The following NUSAP1 variants were observed in gnomAD, a reference collection of about 807,000 sequenced individuals.
NUSAP1 encodes the protein nucleolar and spindle associated protein 1, also known as nucleolar and spindle-associated protein 1.
Under a neutral mutation model 52.8 loss-of-function variants are expected in NUSAP1, and 32 were observed. The observed-to-expected ratio is 0.61, with a 90% CI of 0.46 to 0.81. NUSAP1 has a LOEUF of 0.81. NUSAP1 is among the 40% of genes least tolerant of loss of function. The probability of loss-of-function intolerance (pLI) is 0.00; values close to 1 mark genes in which losing one functional copy is unlikely to be tolerated. For synonymous variants in NUSAP1, 195 were observed against 183.1 expected (o/e 1.06, Z -0.52); for missense variants, 499 against 522.3 (o/e 0.96, Z 0.43).
At position 41,332,919 on chromosome 15, in the gene NUSAP1, T is replaced by C. The variant is rs1283079591; in HGVS notation, c.-39T>C. On this transcript the variant is annotated 5_prime_UTR_variant, in exon 1 of 11. Transcript: ENST00000559596. ...TTTGAACCGCGCTGACGAAGTTTGG[T>C]GATCCATCTTCCGAGTATCGCCGGG... is the stretch of plus-strand genomic sequence containing the variant. 2.7e-6 allele frequency: 4 copies of C among 1,503,376 alleles called. No homozygotes were observed. The highest frequency in any genetic ancestry group is 1.8e-5 in the Admixed American group (1 of 54,190). The allele number at this position is 1,503,376 out of a possible 1,614,324, so 93.1% of individuals were successfully genotyped here. A position where few individuals can be genotyped will look rare whatever the true frequency, so the allele number is the denominator to read the frequency against.
At position 41,351,052 on chromosome 15, in the gene NUSAP1, G is replaced by A; in HGVS notation, c.371G>A (p.Ser124Asn). Residue 124 changes from serine to asparagine, a missense_variant, in exon 4 of 11, where the codon AGC becomes AAC. Coordinates refer to ENST00000559596, the MANE Select transcript of NUSAP1 (RefSeq NM_016359.5). Reference sequence around the variant, plus strand: ...TTCCAGAATCATGAAAAGCAGGAAAGCCAGGATCTCAGAGCTACTGCAAAA... The same window carrying A: ...TTCCAGAATCATGAAAAGCAGGAAAACCAGGATCTCAGAGCTACTGCAAAA... ...TEFQNHEKQE[S>N]QDLRATAKVP... 1 of 1,613,516 alleles carries A rather than the reference G, an allele frequency of 6.2e-7. No individual in the cohort carries two copies. The highest frequency in any genetic ancestry group is 8.5e-7 in the Non-Finnish European group (1 of 1,179,622).
Position 41,380,232 on chromosome 15 carries a change from T to C in NUSAP1, c.*46T>C. On this transcript the variant is annotated 3_prime_UTR_variant, in exon 11 of 11. Transcript: ENST00000559596. ...AATATTCCTGTATTCTCAACTTTTT[T>C]CCTTTTGTAAATTTTTTTTTTTTGC... 7.1e-7 allele frequency: 1 copy of C among 1,410,820 alleles called. No homozygotes were observed. Among genetic ancestry groups the C allele is most frequent in the Non-Finnish European group, 9.6e-7 (1 of 1,045,604 alleles). The allele number at this position is 1,410,820 out of a possible 1,614,324, so 87.4% of individuals were successfully genotyped here. A position where few individuals can be genotyped will look rare whatever the true frequency, so the allele number is the denominator to read the frequency against.
At chr15:41,370,225 C>CT (rs532831270) in intron 7 of NUSAP1, among the ~76,000 whole-genome samples, 275 of 151,540 alleles carry the variant, frequency 1.8e-3, no homozygotes, top group Admixed American at 3.0e-3. Flanking sequence ...ACTAAAAATA[C>CT]AAAAAAAATA....
chr15:41,353,679 A>G (rs560708185), intron 4 of NUSAP1, among the ~76,000 whole-genome samples: 20 of 152,350 alleles, frequency 1.3e-4, no homozygotes, highest in African/African-American at 4.3e-4. Context: ...AGCTCATTGC[A>G]TATTTTTAAA....
intron 1 of NUSAP1, among the ~76,000 whole-genome samples, chr15:41,336,136 T>A (rs1489718606): frequency 6.6e-6 from 1 of 151,396 alleles, no homozygotes; most frequent in Non-Finnish European, 1.5e-5. Flanking sequence ...AGGGGGCACC[T>A]GTAATCCCAG....
In NUSAP1 at chr15:41,380,472, C is replaced by A. The variant is rs74522011; in HGVS notation, c.*286C>A. ...GTTTCTAGATTTTTAATGTCAAGTT[C>A]CCAAGTTCCCCCTGCTGGTTCTAAT... is the stretch of plus-strand genomic sequence containing the variant. On this transcript the variant is annotated 3_prime_UTR_variant, in exon 11 of 11. Transcript: ENST00000559596. 8,354 of 233,068 alleles carry A rather than the reference C, an allele frequency of 0.036. 297 individuals are homozygous for A. Among genetic ancestry groups the A allele is most frequent in the African/African-American group, 0.11 (4,556 of 43,178 alleles). The allele number at this position is 233,068 out of a possible 1,614,324, so 14.4% of individuals were successfully genotyped here. A position where few individuals can be genotyped will look rare whatever the true frequency, so the allele number is the denominator to read the frequency against.
intron 2 of NUSAP1, 73 bp downstream of exon 2, chr15:41,342,527 CAACT>C (rs1484503291): frequency 9.2e-7 from 1 of 1,091,942 alleles, no homozygotes; most frequent in Non-Finnish European, 1.4e-6. Context: ...AATTAACACA[CAACT>C]AGTGATGATT....
rs368621507 is a variant in NUSAP1 at position 41,371,679 on chromosome 15, C to T, written c.1001C>T (p.Ala334Val). 58 of 1,574,112 alleles carry T rather than the reference C, an allele frequency of 3.7e-5. No individual in the cohort carries two copies. Among genetic ancestry groups the T allele is most frequent in the Non-Finnish European group, 4.8e-5 (56 of 1,169,268 alleles). The change falls in exon 8 of 11, where the codon GCT (alanine) becomes GTT (valine). Residue 334 changes from alanine to valine, a missense_variant. By Grantham distance (64) the Ala-to-Val change is moderately conservative (BLOSUM62 0). Coordinates refer to ENST00000559596, the MANE Select transcript of NUSAP1 (RefSeq NM_016359.5). Reference sequence around the variant, plus strand: ...TTAAAGACCATCACGGGGAATTCTGCTGCTGGTAAAAAAAAAAAAAAACAA... The same window carrying T: ...TTAAAGACCATCACGGGGAATTCTGTTGCTGGTAAAAAAAAAAAAAAACAA... Reference protein sequence around the residue: ...HKLKTITGNSAAVITPFKLTT... With the variant: ...HKLKTITGNSVAVITPFKLTT...
At chr15:41,340,624 G>T (rs975906064) in intron 1 of NUSAP1, among the ~76,000 whole-genome samples, 1 of 152,082 alleles carries the variant, frequency 6.6e-6, no homozygotes, top group African/African-American at 2.4e-5. Flanking sequence ...TCTGCCACAG[G>T]TGCCTCACTT....
At chr15:41,363,237 T>G (rs4368143) in intron 6 of NUSAP1, among the ~76,000 whole-genome samples, 97,881 of 148,350 alleles carry the variant, frequency 0.66, 34,390 homozygotes, top group African/African-American at 0.9. Context: ...AGTGAGCCAA[T>G]ATCACGCCAT....
Position 41,342,400 on chromosome 15 carries a change from A to G in NUSAP1, c.108A>G (p.Leu36=). 3 of 1,592,374 alleles carry G rather than the reference A, an allele frequency of 1.9e-6. No individual in the cohort carries two copies. The highest frequency in any genetic ancestry group is 2.6e-6 in the Non-Finnish European group (3 of 1,168,068). The part of the protein sequence containing the change: ...LRANLRATKL[L]KALKGYIKHE... The stretch of plus-strand genomic sequence containing the variant: ...CTCTCTTGCAGGCAACCAAGTTGTT[A>G]AAAGCCTTGAAAGGCTACATTAAAC... Residue 36 remains leucine, a synonymous_variant, in exon 2 of 11, where the codon TTA becomes TTG. Transcript: ENST00000559596.
intron 1 of NUSAP1, among the ~76,000 whole-genome samples, chr15:41,341,041 G>T (rs1463807032): frequency 2.0e-5 from 3 of 152,012 alleles, no homozygotes; most frequent in African/African-American, 7.2e-5. Context: ...GGAAGAGGAA[G>T]AAAAAAAGAA....
intron 8 of NUSAP1, among the ~76,000 whole-genome samples, chr15:41,372,812 A>T (rs2049755625): frequency 6.6e-6 from 1 of 152,068 alleles, no homozygotes; most frequent in Non-Finnish European, 1.5e-5. Context: ...GATTGGCCGG[A>T]CGCAGTGGCT....
chr15:41,346,506 A>G (rs2048575670), intron 2 of NUSAP1, among the ~76,000 whole-genome samples: 1 of 151,686 alleles, frequency 6.6e-6, no homozygotes, highest in Non-Finnish European at 1.5e-5. Flanking sequence ...CTGGGGTCTC[A>G]TTATGTTGCC....
chr15:41,371,436 C>T (rs1196898633), intron 7 of NUSAP1, 91 bp from the exon 8 acceptor site: 1 of 1,103,508 alleles, frequency 9.1e-7, no homozygotes, highest in Non-Finnish European at 1.3e-6. Flanking sequence ...CTTTTCACTG[C>T]TTGCTAATAG....
intron 7 of NUSAP1, among the ~76,000 whole-genome samples, chr15:41,367,237 C>A (rs1228323946): frequency 6.6e-6 from 1 of 152,182 alleles, no homozygotes; most frequent in African/African-American, 2.4e-5. Flanking sequence ...TGAGGCATCT[C>A]ATGGCTGTTT....
chr15:41,345,692 A>G (rs2048542156), intron 2 of NUSAP1: 1 of 261,494 alleles, frequency 3.8e-6, no homozygotes, highest in Non-Finnish European at 7.5e-6. Flanking sequence ...TCCCAACCTC[A>G]GGTGATCCTC....
At chr15:41,345,475 T>C (rs1207834991) in intron 2 of NUSAP1, 2 of 424,540 alleles carry the variant, frequency 4.7e-6, no homozygotes, top group South Asian at 1.7e-5. Flanking sequence ...TTTCTTTTTT[T>C]TTTTTCTGAG....
chr15:41,371,496 C>G, intron 7 of NUSAP1, 31 bp from the exon 8 acceptor site: 1 of 1,549,804 alleles, frequency 6.5e-7, no homozygotes, highest in Non-Finnish European at 8.7e-7. Flanking sequence ...TGCCACAGTA[C>G]TCATGTCTTG....
Sources: allele counts gnomAD v4.1 joint callset (sites outside exome capture counted in the v4.1 genomes callset), GRCh38; gene constraint gnomAD v4.1.1; transcripts MANE v1.5; gene names NCBI Gene and HGNC (gene_info 2026-07-23, HGNC 2026-07-21).